The following DLG2 variants were observed in gnomAD, a reference collection of about 807,000 sequenced individuals.
DLG2 encodes discs large MAGUK scaffold protein 2.
DLG2 carries 45 observed loss-of-function variants against 132.5 expected under a neutral mutation model. The ratio of observed to expected loss-of-function variants is 0.34; its 90% confidence interval spans 0.27 to 0.44. The LOEUF (loss-of-function observed/expected upper bound fraction) is 0.44. DLG2 is among the 20% of genes least tolerant of loss of function. The pLI is 1.00. For missense variants in DLG2, 1,045 were observed against 1,196.9 expected, an observed-to-expected ratio of 0.87 and a Z score of 1.87; for synonymous variants, 424 against 419.6, an observed-to-expected ratio of 1.01 and a Z score of -0.13.
At position 85,044,845 on chromosome 11, in the gene DLG2, A is replaced by C. The variant is rs540007047; in HGVS notation, c.357+66816T>G. On this transcript the variant is annotated intron_variant, in intron 6 of 27. Transcript: ENST00000376104. ...AAGTCAGAGACTACTATTTTCATGA[A>C]AATGTTTATAGGAGTTTCATTTTCT... Among the ~76,000 whole-genome samples, 16 of 152,164 alleles carry C rather than the reference A, an allele frequency of 1.1e-4. No homozygotes were observed. The South Asian group carries it at 3.3e-3, about 32-fold the overall frequency.
At chr11:84,993,431 T>C (rs1234560258) in intron 6 of DLG2, among the ~76,000 whole-genome samples, 11 of 152,198 alleles carry the variant, frequency 7.2e-5, no homozygotes. Flanking sequence ...CCTGAGAGTT[T>C]GCATAGCTTC....
chr11:84,420,645 G>GTTTTTTTTT (rs1567588759), intron 7 of DLG2, among the ~76,000 whole-genome samples: 1 of 48,916 alleles, frequency 2.0e-5, no homozygotes, highest in Non-Finnish European at 4.9e-5. Flanking sequence ...ACCAATGCTT[G>GTTTTTTTTT]TTTTCTTTTT....
intron 6 of DLG2, among the ~76,000 whole-genome samples, chr11:84,976,768 A>C (rs763325333): frequency 6.6e-6 from 1 of 152,158 alleles, no homozygotes; most frequent in African/African-American, 2.4e-5. Flanking sequence ...TGCCTCAAAG[A>C]CTTAAAACAC....
chr11:83,782,051 T>C (rs1367075913), intron 18 of DLG2, among the ~76,000 whole-genome samples: 1 of 152,200 alleles, frequency 6.6e-6, no homozygotes, highest in African/African-American at 2.4e-5. Context: ...ACAACAGCTG[T>C]AGATTTTCTG....
At position 83,458,094 on chromosome 11, in the gene DLG2, T is replaced by C. The variant is rs562167512; in HGVS notation, c.*1724A>G. 159 of 152,730 alleles carry C rather than the reference T, an allele frequency of 1.0e-3. 1 individual carries two copies. Among genetic ancestry groups the C allele is most frequent in the Non-Finnish European group, 1.6e-3 (110 of 68,042 alleles). The allele number at this position is 152,730 out of a possible 1,614,324, so 9.5% of individuals were successfully genotyped here. A position where few individuals can be genotyped will look rare whatever the true frequency, so the allele number is the denominator to read the frequency against. On this transcript the variant is annotated 3_prime_UTR_variant, in exon 28 of 28. Transcript: ENST00000376104. ...TCTCCTACCCAGCCTACATGCTGGT[T>C]TGCTGCACAGTGTGGCAGAATCCCT...
chr11:83,858,498 G>C (rs531434897), intron 16 of DLG2, among the ~76,000 whole-genome samples: 13 of 152,250 alleles, frequency 8.5e-5, no homozygotes, highest in Middle Eastern at 3.4e-3. Context: ...AAATTAGGAG[G>C]CCTGACTTCT....
chr11:85,202,807 T>C (rs1232112610), intron 4 of DLG2, among the ~76,000 whole-genome samples: 2 of 151,902 alleles, frequency 1.3e-5, no homozygotes, highest in African/African-American at 4.8e-5. Context: ...AATGAGTCAA[T>C]GAAAAAATCA....
At chr11:83,581,502 C>T (rs892893862) in intron 19 of DLG2, among the ~76,000 whole-genome samples, 6 of 152,012 alleles carry the variant, frequency 3.9e-5, no homozygotes, top group East Asian at 1.9e-4. Context: ...AAAAAAAATA[C>T]ATTCTTGCAA....
intron 10 of DLG2, among the ~76,000 whole-genome samples, chr11:84,072,195 T>C (rs1463887938): frequency 6.6e-6 from 1 of 152,246 alleles, no homozygotes; most frequent in Non-Finnish European, 1.5e-5. Flanking sequence ...AAAGCCAAAG[T>C]ACCTTCACAT....
In DLG2 at chr11:83,620,825, C is replaced by G. The variant is rs568629317; in HGVS notation, c.1940+12386G>C. ...GCGGAGCTTGCAGTGAGCCGAGATC[C>G]CGCCACTGCACTCCAGCCTGGGCGA... is the stretch of plus-strand genomic sequence containing the variant. On this transcript the variant is annotated intron_variant, in intron 19 of 27. Coordinates refer to ENST00000376104, the MANE Select transcript of DLG2 (RefSeq NM_001142699.3). 3.7e-4 allele frequency among the ~76,000 whole-genome samples: 52 copies of G among 141,958 alleles called. No individual in the cohort carries two copies. The East Asian group carries it at 9.5e-3, about 26-fold the overall frequency. 93.1% of individuals were successfully genotyped at this position (141,958 alleles called of 152,430 possible). A position where few individuals can be genotyped will look rare whatever the true frequency, so the allele number is the denominator to read the frequency against.
At chr11:83,699,755 TA>T (rs2082568796) in intron 18 of DLG2, among the ~76,000 whole-genome samples, 2 of 150,294 alleles carry the variant, frequency 1.3e-5, no homozygotes, top group Non-Finnish European at 3.0e-5. Context: ...ATAATAATAA[TA>T]ATACAGAATA....
At chr11:85,020,078 C>A (rs918523169) in intron 6 of DLG2, among the ~76,000 whole-genome samples, 2 of 152,146 alleles carry the variant, frequency 1.3e-5, no homozygotes, top group African/African-American at 4.8e-5. Flanking sequence ...GTTTACAGCC[C>A]CACCAACAGT....
At chr11:84,291,928 C>T (rs533800203) in intron 7 of DLG2, among the ~76,000 whole-genome samples, 1 of 152,294 alleles carries the variant, frequency 6.6e-6, no homozygotes, top group South Asian at 2.1e-4. Context: ...AACACCCCCT[C>T]TATTTATCAA....
At chr11:84,716,280 C>T (rs1007603979) in intron 6 of DLG2, among the ~76,000 whole-genome samples, 2 of 151,890 alleles carry the variant, frequency 1.3e-5, no homozygotes. Context: ...TTACATCTTC[C>T]TTTTAATTAA....
chr11:83,838,565 A>G (rs2056814560), intron 16 of DLG2, among the ~76,000 whole-genome samples: 1 of 152,210 alleles, frequency 6.6e-6, no homozygotes, highest in African/African-American at 2.4e-5. Flanking sequence ...TTGACTCATA[A>G]TATTTACAAA....
chr11:83,736,139 G>T (rs1484926368), intron 18 of DLG2, among the ~76,000 whole-genome samples: 1 of 152,120 alleles, frequency 6.6e-6, no homozygotes, highest in Non-Finnish European at 1.5e-5. Context: ...CCACTCTGAG[G>T]TTTTGCTTTT....
At chr11:84,611,506 CATT>C (rs956410468) in intron 6 of DLG2, among the ~76,000 whole-genome samples, 5 of 152,250 alleles carry the variant, frequency 3.3e-5, no homozygotes, top group South Asian at 4.1e-4. Context: ...AAAATTCTAT[CATT>C]ATTAGTCTCC....
chr11:85,418,891 C>T (rs2090075642), intron 3 of DLG2, among the ~76,000 whole-genome samples: 1 of 152,150 alleles, frequency 6.6e-6, no homozygotes, highest in Non-Finnish European at 1.5e-5. Flanking sequence ...ATCCTATTTT[C>T]CAGTCTATGT....
At chr11:84,278,242 A>G (rs1396254070) in intron 7 of DLG2, among the ~76,000 whole-genome samples, 1 of 151,990 alleles carries the variant, frequency 6.6e-6, no homozygotes, top group East Asian at 1.9e-4. Flanking sequence ...CTTAGATGAA[A>G]TGGACAAATT....
Sources: gnomAD v4.1 joint callset for allele counts (sites outside exome capture counted in the v4.1 genomes callset) on GRCh38, gnomAD v4.1.1 for gene constraint, MANE v1.5 for transcripts, NCBI Gene and HGNC (gene_info 2026-07-23, HGNC 2026-07-21) for gene names.